Variants in TRPC4 observed in about 807,000 individuals in gnomAD.
TRPC4 encodes short transient receptor potential channel 4.
TRPC4 carries 49 observed loss-of-function variants against 99.4 expected under a neutral mutation model. The observed-to-expected ratio is 0.49, with a 90% CI of 0.39 to 0.63. The LOEUF (loss-of-function observed/expected upper bound fraction) is 0.63. TRPC4 is among the 20% of genes least tolerant of loss of function. The probability of loss-of-function intolerance (pLI) is 0.00; values close to 1 mark genes in which losing one functional copy is unlikely to be tolerated. For synonymous variants in TRPC4, 454 were observed against 425.9 expected (o/e 1.07, Z -0.81); for missense variants, 898 against 1,152.9 (o/e 0.78, Z 3.20).
At chr13:37,730,370 G>A (rs1955204722) in intron 3 of TRPC4, among the ~76,000 whole-genome samples, 1 of 151,700 alleles carries the variant, frequency 6.6e-6, no homozygotes, top group Non-Finnish European at 1.5e-5. Flanking sequence ...GTTATGTTTT[G>A]TTTATAATTA....
intron 6 of TRPC4, among the ~76,000 whole-genome samples, chr13:37,659,304 C>T (rs1952352655): frequency 6.6e-6 from 1 of 152,110 alleles, no homozygotes; most frequent in Non-Finnish European, 1.5e-5. Context: ...ACCTCCCTCC[C>T]TCGCTTCCTT....
chr13:37,762,888 A>AAAAT (rs1956263462), intron 2 of TRPC4, among the ~76,000 whole-genome samples: 1 of 151,470 alleles, frequency 6.6e-6, no homozygotes. Context: ...TAAAATAAAA[A>AAAAT]AAAGACACTA....
At chr13:37,818,930 T>G (rs1257485559) in intron 1 of TRPC4, among the ~76,000 whole-genome samples, 1 of 151,312 alleles carries the variant, frequency 6.6e-6, no homozygotes, top group African/African-American at 2.4e-5. Flanking sequence ...TGCATATATA[T>G]CCCAAAACTT....
rs1183015512 is a variant in TRPC4 at position 37,632,116 on chromosome 13, T to A, written c.*4787A>T. 1.3e-5 allele frequency among the ~76,000 whole-genome samples: 2 copies of A among 152,208 alleles called. No homozygotes were observed. Among genetic ancestry groups the A allele is most frequent in the Non-Finnish European group, 2.9e-5 (2 of 68,034 alleles). On this transcript the variant is annotated 3_prime_UTR_variant, in exon 11 of 11. Coordinates refer to ENST00000379705, the MANE Select transcript of TRPC4 (RefSeq NM_016179.4). The stretch of plus-strand genomic sequence containing the variant: ...GCTACACAAAACTTTTTTGAGTAAT[T>A]AAAGATAGAATTTTCTACCTTTGCA...
chr13:37,782,805 G>C (rs1047133241), intron 2 of TRPC4, 151 bp downstream of exon 2: 8 of 719,254 alleles, frequency 1.1e-5, no homozygotes, highest in Non-Finnish European at 1.6e-5. Flanking sequence ...CCTAATAGTA[G>C]TTTTCTGTTA....
chr13:37,681,767 C>T (rs932339629), intron 4 of TRPC4, among the ~76,000 whole-genome samples: 9 of 152,274 alleles, frequency 5.9e-5, no homozygotes, highest in Admixed American at 1.3e-4. Context: ...GGGAACATTT[C>T]GAAATTGCTC....
At chr13:37,679,266 G>A (rs566319668) in intron 4 of TRPC4, among the ~76,000 whole-genome samples, 26 of 152,104 alleles carry the variant, frequency 1.7e-4, no homozygotes, top group Admixed American at 3.9e-4. Flanking sequence ...GACTGTATGC[G>A]TTTTAACATT....
chr13:37,796,320 G>A (rs1265943127), intron 1 of TRPC4, among the ~76,000 whole-genome samples: 2 of 152,134 alleles, frequency 1.3e-5, no homozygotes, highest in African/African-American at 4.8e-5. Flanking sequence ...TCTTGGGTAA[G>A]TACTATTATT....
At chr13:37,849,177 T>C (rs1958991975) in intron 1 of TRPC4, among the ~76,000 whole-genome samples, 1 of 152,048 alleles carries the variant, frequency 6.6e-6, no homozygotes, top group Admixed American at 6.6e-5. Flanking sequence ...AGAGGTGAAA[T>C]GTGATTCTGG....
chr13:37,637,035 C>T lies in TRPC4; in HGVS notation c.2802G>A (p.Lys934=), dbSNP rs1329284515. The change falls in exon 11 of 11, where the codon AAG becomes AAA. Residue 934 remains lysine (K), a synonymous_variant. Transcript: ENST00000379705. ...GKRVCPFKSE[K]VVVEDTVPII... is the part of the protein sequence containing the mutation. ...TAGGAACCGTGTCCTCCACCACCACCTTCTCTGACTTGAATGGACACACTC... is the reference window on the plus strand; with the variant it reads ...TAGGAACCGTGTCCTCCACCACCACTTTCTCTGACTTGAATGGACACACTC... 2 of 1,613,668 alleles carry T rather than the reference C, an allele frequency of 1.2e-6. No individual in the cohort carries two copies. The highest frequency in any genetic ancestry group is 1.7e-6 in the Non-Finnish European group (2 of 1,179,800).
intron 3 of TRPC4, among the ~76,000 whole-genome samples, chr13:37,719,793 G>T (rs1411409090): frequency 6.6e-6 from 1 of 151,768 alleles, no homozygotes; most frequent in East Asian, 1.9e-4. Context: ...TCCCTCCAAA[G>T]ATGTCCATGT....
intron 1 of TRPC4, 129 bp from the exon 2 acceptor site, chr13:37,783,489 A>G: frequency 1.7e-6 from 1 of 595,826 alleles, no homozygotes; most frequent in Non-Finnish European, 2.4e-6. Context: ...TTAAGAGTTA[A>G]GGTTTTTTTT....
chr13:37,691,869 CT>C, intron 4 of TRPC4, 129 bp downstream of exon 4: 1 of 906,012 alleles, frequency 1.1e-6, no homozygotes, highest in Non-Finnish European at 1.6e-6. Context: ...GGGTGAGGTT[CT>C]TGGAGCTACA....
At chr13:37,823,457 A>G (rs1461530062) in intron 1 of TRPC4, among the ~76,000 whole-genome samples, 2 of 143,844 alleles carry the variant, frequency 1.4e-5, no homozygotes, top group Non-Finnish European at 3.1e-5. Flanking sequence ...TATAAGGTGT[A>G]AGGAAGGGAT....
Position 37,687,413 on chromosome 13 carries a change from G to A in TRPC4, c.1234+4586C>T, listed in dbSNP as rs549761698. 8.3e-4 allele frequency among the ~76,000 whole-genome samples: 126 copies of A among 152,140 alleles called. No individual in the cohort carries two copies. The South Asian group carries it at 0.017, about 21-fold the overall frequency. Reference sequence around the variant, plus strand: ...ATAGCAAAATTTGTTTGTTACAATCGGAGTTAGAATGAATTCTGAGGGAAA... The same window carrying A: ...ATAGCAAAATTTGTTTGTTACAATCAGAGTTAGAATGAATTCTGAGGGAAA... On this transcript the variant is annotated intron_variant, in intron 4 of 10. Transcript: ENST00000379705.
At chr13:37,687,034 G>A (rs1222805169) in intron 4 of TRPC4, among the ~76,000 whole-genome samples, 1 of 151,376 alleles carries the variant, frequency 6.6e-6, no homozygotes, top group Non-Finnish European at 1.5e-5. Context: ...GCACAATCTC[G>A]GCTCACTGCA....
intron 3 of TRPC4, among the ~76,000 whole-genome samples, chr13:37,745,427 T>C (rs1048890472): frequency 3.0e-5 from 3 of 99,178 alleles, no homozygotes; most frequent in African/African-American, 1.2e-4. Flanking sequence ...TATTTATATA[T>C]ATATATGCGT....
chr13:37,827,994 G>C (rs572360807), intron 1 of TRPC4, among the ~76,000 whole-genome samples: 1 of 151,596 alleles, frequency 6.6e-6, no homozygotes. Flanking sequence ...TTTTAAGCCC[G>C]TCGGAAAAGT....
At chr13:37,725,561 T>C (rs942977674) in intron 3 of TRPC4, among the ~76,000 whole-genome samples, 4 of 152,086 alleles carry the variant, frequency 2.6e-5, no homozygotes, top group African/African-American at 9.7e-5. Flanking sequence ...AAACTTTAGA[T>C]ACCAGAAGGC....
Sources: gnomAD v4.1 joint callset for allele counts (sites outside exome capture counted in the v4.1 genomes callset) on GRCh38, gnomAD v4.1.1 for gene constraint, MANE v1.5 for transcripts, NCBI Gene and HGNC (gene_info 2026-07-23, HGNC 2026-07-21) for gene names.